The following CPD variants were observed in gnomAD, a reference collection of about 807,000 sequenced individuals.
The protein encoded by CPD is carboxypeptidase D.
CPD carries 69 observed loss-of-function variants against 138.3 expected under a neutral mutation model. That is an observed-to-expected ratio of 0.50 (90% CI 0.41 to 0.61). The LOEUF (loss-of-function observed/expected upper bound fraction) is 0.61. Ranked by LOEUF, CPD falls within the 20% of genes least tolerant of loss-of-function variation. The pLI, the probability that CPD is intolerant of heterozygous loss-of-function variation, is 0.00. For synonymous variants in CPD, 651 were observed against 642.1 expected (o/e 1.01, Z -0.21); for missense variants, 1,432 against 1,733.3 (o/e 0.83, Z 3.09).
At chr17:30,456,409 A>T in intron 16 of CPD, 53 bp from the exon 17 acceptor site, 1 of 1,610,480 alleles carries the variant, frequency 6.2e-7, no homozygotes, top group Non-Finnish European at 8.5e-7. Context: ...TTGTGGGGAA[A>T]GGAGTTTCAC....
At chr17:30,394,555 G>A (rs1911448252) in intron 2 of CPD, among the ~76,000 whole-genome samples, 1 of 152,088 alleles carries the variant, frequency 6.6e-6, no homozygotes, top group Non-Finnish European at 1.5e-5. Flanking sequence ...AGTGCTATTC[G>A]TTTTGGAGTT....
intron 2 of CPD, among the ~76,000 whole-genome samples, chr17:30,405,888 T>C (rs1405525071): frequency 1.3e-5 from 2 of 152,040 alleles, no homozygotes; most frequent in Non-Finnish European, 2.9e-5. Flanking sequence ...TTTGGGGAAA[T>C]TTGATATTTT....
intron 11 of CPD, among the ~76,000 whole-genome samples, chr17:30,444,516 CTTTTTTT>C (rs34419729): frequency 1.7e-5 from 2 of 120,852 alleles, no homozygotes; most frequent in East Asian, 2.6e-4. Flanking sequence ...ATGCTAGTAA[CTTTTTTT>C]TTTTTTTTTT....
At position 30,422,791 on chromosome 17, in the gene CPD, A is replaced by C. The variant is rs1912301074; in HGVS notation, c.1425A>C (p.Ser475=). The stretch of plus-strand genomic sequence containing the variant: ...TCCCTGACACGACAGAGGCTGTATC[A>C]ACTGCTAGCACAGTTGCTATACCTA... ...SVIPDTTEAV[S]TASTVAIPNI... Residue 475 remains serine, a synonymous_variant, in exon 5 of 21, where the codon TCA becomes TCC. Transcript: ENST00000225719. 1 of 1,613,998 alleles carries C rather than the reference A, an allele frequency of 6.2e-7. No homozygotes were observed. The highest frequency in any genetic ancestry group is 1.7e-5 in the Admixed American group (1 of 59,996).
intron 2 of CPD, among the ~76,000 whole-genome samples, chr17:30,401,217 G>T (rs2143350980): frequency 6.8e-6 from 1 of 148,028 alleles, no homozygotes; most frequent in South Asian, 2.2e-4. Context: ...TGCTGCTTCT[G>T]CTTCTGCTTC....
Position 30,379,341 on chromosome 17 carries a change from G to GA in CPD, c.361_362insA (p.Ala121AspfsTer91). On this transcript the variant is annotated frameshift_variant, in exon 1 of 21. Coordinates refer to ENST00000225719, the MANE Select transcript of CPD (RefSeq NM_001304.5). LOFTEE classifies it high-confidence loss of function. The surrounding 1 kb of genome is among the most constrained non-coding windows in gnomAD (Gnocchi z 7.0). ...GGGGCCTGACGCTGCCGGGCCCGACGCTGCGGGGCCGCTGCTGCCCGGCCG... is the reference window on the plus strand; with the variant it reads ...GGGGCCTGACGCTGCCGGGCCCGACGACTGCGGGGCCGCTGCTGCCCGGCCG... 1 of 1,489,888 alleles carries GA rather than the reference G, an allele frequency of 6.7e-7. No individual in the cohort carries two copies. Among genetic ancestry groups the GA allele is most frequent in the Non-Finnish European group, 8.9e-7 (1 of 1,127,794 alleles). 92.3% of individuals were successfully genotyped at this position (1,489,888 alleles called of 1,614,324 possible).
At position 30,379,355 on chromosome 17, in the gene CPD, G is replaced by GTAGAT; in HGVS notation, c.375_376insTAGAT (p.Leu126Ter). ...CCGGGCCCGACGCTGCGGGGCCGCTGCTGCCCGGCCGGCCCCAGGTGAAGC... is the reference window on the plus strand; with the variant it reads ...CCGGGCCCGACGCTGCGGGGCCGCTGTAGATCTGCCCGGCCGGCCCCAGGTGAAGC... On this transcript the variant is annotated stop_gained and frameshift_variant, in exon 1 of 21. Transcript: ENST00000225719. LOFTEE classifies it high-confidence loss of function. This position sits in a 1 kb window ranked among gnomAD's most constrained non-coding sequence, Gnocchi z 7.0. 1 of 1,499,784 alleles carries GTAGAT rather than the reference G, an allele frequency of 6.7e-7. No homozygotes were observed. The highest frequency in any genetic ancestry group is 2.2e-5 in the Admixed American group (1 of 46,032). 92.9% of individuals were successfully genotyped at this position (1,499,784 alleles called of 1,614,324 possible). A position where few individuals can be genotyped will look rare whatever the true frequency, so the allele number is the denominator to read the frequency against.
At chr17:30,430,014 T>C (rs917259407) in intron 7 of CPD, among the ~76,000 whole-genome samples, 3 of 152,204 alleles carry the variant, frequency 2.0e-5, no homozygotes, top group Non-Finnish European at 4.4e-5. Flanking sequence ...ATAATTAACA[T>C]GCTAAAGAGT....
At chr17:30,396,059 C>T (rs1002876863) in intron 2 of CPD, among the ~76,000 whole-genome samples, 3 of 151,988 alleles carry the variant, frequency 2.0e-5, no homozygotes, top group African/African-American at 7.2e-5. Flanking sequence ...TTTTTACAAA[C>T]GTTATGCTCA....
In CPD at chr17:30,464,496, A is replaced by AGGG; in HGVS notation, c.3917-90_3917-88dup. 3 of 905,248 alleles carry AGGG rather than the reference A, an allele frequency of 3.3e-6. No homozygotes were observed. The Admixed American group carries it at 6.1e-5, about 19-fold the overall frequency. 56.1% of individuals were successfully genotyped at this position (905,248 alleles called of 1,614,324 possible). The stretch of plus-strand genomic sequence containing the variant: ...GCATGAAATAGAAATAAAATAAATG[A>AGGG]GGGGTATATTATTAAAAGTTCCATT... On this transcript the variant is annotated intron_variant, in intron 20 of 20. Coordinates refer to ENST00000225719, the MANE Select transcript of CPD (RefSeq NM_001304.5).
intron 2 of CPD, among the ~76,000 whole-genome samples, chr17:30,403,114 T>TA (rs1389589447): frequency 6.6e-6 from 1 of 151,990 alleles, no homozygotes; most frequent in Non-Finnish European, 1.5e-5. Flanking sequence ...CTCAAAAAAA[T>TA]AAAATAAAAT....
intron 2 of CPD, among the ~76,000 whole-genome samples, chr17:30,393,693 T>A (rs1911418109): frequency 6.6e-6 from 1 of 152,330 alleles, no homozygotes; most frequent in Middle Eastern, 3.4e-3. Context: ...ACTGTCCTTA[T>A]ATCTAATTTT....
chr17:30,418,178 T>C (rs1320496434), intron 2 of CPD, among the ~76,000 whole-genome samples: 1 of 118,024 alleles, frequency 8.5e-6, no homozygotes. Context: ...ATTATTAATA[T>C]CATTTTTTTC....
intron 2 of CPD, among the ~76,000 whole-genome samples, chr17:30,410,498 C>A (rs1013539119): frequency 6.6e-6 from 1 of 152,174 alleles, no homozygotes; most frequent in Non-Finnish European, 1.5e-5. Flanking sequence ...GCCTAAGTCT[C>A]TTTGTAGGTC....
chr17:30,461,363 AAAACCT>A, intron 18 of CPD, 52 bp downstream of exon 18: 1 of 1,392,966 alleles, frequency 7.2e-7, no homozygotes, highest in Non-Finnish European at 9.5e-7. Flanking sequence ...ATGTTCAGTG[AAAACCT>A]TTATCAAAAC....
At position 30,456,334 on chromosome 17, in the gene CPD, G is replaced by A; in HGVS notation, c.3416G>A (p.Ser1139Asn). 1.9e-6 allele frequency: 3 copies of A among 1,614,122 alleles called. No individual in the cohort carries two copies. Among genetic ancestry groups the A allele is most frequent in the Non-Finnish European group, 2.5e-6 (3 of 1,179,952 alleles). ...CCATCCATGCACATGGGTCAGCCCA[G>A]TTGCCCAAATAAATCAGGTAGATGT... ...NHPSMHMGQP[S>N]CPNKSDENIP... The change falls in exon 16 of 21, where the codon AGT (serine) becomes AAT (asparagine). Residue 1139 changes from serine to asparagine, a missense_variant. Transcript: ENST00000225719.
chr17:30,391,970 C>T (rs1055742417), intron 2 of CPD, among the ~76,000 whole-genome samples: 4 of 151,136 alleles, frequency 2.6e-5, no homozygotes, highest in South Asian at 2.1e-4. Flanking sequence ...TTTTGCCATC[C>T]GAAACATAAA....
chr17:30,431,729 TTGAAACAGACAACA>T (rs1912570582), intron 7 of CPD, 29 bp from the exon 8 acceptor site: 2 of 1,309,840 alleles, frequency 1.5e-6, no homozygotes, highest in Admixed American at 1.8e-5. Context: ...ATAATCCATC[TTGAAACAGACAACA>T]TGATACATTT....
rs150285239 is a variant in CPD at position 30,451,817 on chromosome 17, G to A, written c.3176G>A (p.Arg1059His). ...TCAAAAATAGGACAAACAAATGCTC[G>A]TGGCAAAGATTTGGATACAGACTTC... ...CTSKIGQTNARGKDLDTDFTN... is the reference protein window; with the variant it reads ...CTSKIGQTNAHGKDLDTDFTN... The change falls in exon 14 of 21, where the codon CGT becomes CAT. Residue 1059 changes from arginine (R) to histidine (H), a missense_variant. Physicochemically the swap from Arg to His is conservative, Grantham distance 29. Around this residue, in one of 6 missense-constraint regions of CPD, gnomAD observed 366 missense variants for 518.8 expected, o/e 0.71. Coordinates refer to ENST00000225719, the MANE Select transcript of CPD (RefSeq NM_001304.5). 13 of 1,613,872 alleles carry A rather than the reference G, an allele frequency of 8.1e-6. No individual in the cohort carries two copies. The highest frequency in any genetic ancestry group is 3.3e-5 in the South Asian group (3 of 91,068).
Sources: gnomAD v4.1 joint callset for allele counts (sites outside exome capture counted in the v4.1 genomes callset) on GRCh38, gnomAD v4.1.1 for gene constraint, gnomAD v4.1.1 regional missense constraint, Gnocchi (gnomAD v3.1) non-coding constraint, MANE v1.5 for transcripts, NCBI Gene and HGNC (gene_info 2026-07-23, HGNC 2026-07-21) for gene names.